Variants in MAST1 observed in about 807,000 individuals in gnomAD.
MAST1 encodes microtubule-associated serine/threonine-protein kinase 1.
MAST1 carries 40 observed loss-of-function variants against 124.6 expected under a neutral mutation model. The ratio of observed to expected loss-of-function variants is 0.32; its 90% CI spans 0.25 to 0.42. The LOEUF is 0.42. MAST1 is among the 10% of genes least tolerant of loss of function. The pLI, the probability that MAST1 is intolerant of heterozygous loss-of-function variation, is 1.00. For synonymous variants in MAST1, 938 were observed against 939.4 expected (o/e 1.00, Z 0.03); for missense variants, 1,558 against 2,181.9 (o/e 0.71, Z 5.70).
Position 12,874,174 on chromosome 19 carries a change from C to G in MAST1, c.4017C>G (p.Ser1339Arg), listed in dbSNP as rs1298077269. The G allele has an allele frequency of 3.2e-6, 5 of 1,541,700 alleles. No individual in the cohort carries two copies. Among genetic ancestry groups the G allele is most frequent in the Non-Finnish European group, 4.4e-6 (5 of 1,146,720 alleles). ...TGGGCCGACAGGAGTCACCTTTGAGCCTGGGCGCGGACCCGTTGCTGCCCG... is the reference window on the plus strand; with the variant it reads ...TGGGCCGACAGGAGTCACCTTTGAGGCTGGGCGCGGACCCGTTGCTGCCCG... The part of the protein sequence containing the change: ...RRLGRQESPL[S>R]LGADPLLPEG... Residue 1339 changes from serine (S) to arginine (R), a missense_variant, in exon 26 of 26, where the codon AGC becomes AGG. Coordinates refer to ENST00000251472, the MANE Select transcript of MAST1 (RefSeq NM_014975.3). The surrounding 1 kb of genome is among the most constrained non-coding windows in gnomAD (Gnocchi z 6.6).
intron 10 of MAST1, 85 bp from the exon 11 acceptor site, chr19:12,858,277 C>G (rs1312431588): frequency 8.3e-7 from 1 of 1,201,204 alleles, no homozygotes; most frequent in Non-Finnish European, 1.2e-6. Flanking sequence ...TTCTGTGCCT[C>G]AGTTTCCCCA....
rs1324365271 is a variant in MAST1 at position 12,874,222 on chromosome 19, G to C, written c.4065G>C (p.Val1355=). 6.5e-7 allele frequency: 1 copy of C among 1,547,756 alleles called. No individual in the cohort carries two copies. The highest frequency in any genetic ancestry group is 1.4e-5 in the African/African-American group (1 of 73,190). ...LLPEGASRPP[V]SSKEKESPGG... ...CCGAGGGTGCCTCCAGGCCACCAGT[G>C]TCGAGCAAGGAGAAGGAATCCCCGG... is the stretch of plus-strand genomic sequence containing the variant. Residue 1355 remains valine (V), a synonymous_variant, in exon 26 of 26, where the codon GTG becomes GTC. Coordinates refer to ENST00000251472, the MANE Select transcript of MAST1 (RefSeq NM_014975.3). The surrounding 1 kb of genome is among the most constrained non-coding windows in gnomAD (Gnocchi z 6.6).
In MAST1 at chr19:12,870,824, C is replaced by A. The variant is rs928173546; in HGVS notation, c.3004C>A (p.His1002Asn). The A allele has an allele frequency of 1.2e-6, 2 of 1,601,942 alleles. No individual in the cohort carries two copies. The highest frequency in any genetic ancestry group is 1.7e-6 in the Non-Finnish European group (2 of 1,173,278). The part of the protein sequence containing the change: ...DVYSVHHIVW[H>N]VEEGGPAQEA... ...TCCCTATGGGGTGCTCTTTTCCCAG[C>A]ATGTGGAGGAAGGAGGCCCAGCCCA... is the stretch of plus-strand genomic sequence containing the variant. Residue 1002 changes from histidine (H) to asparagine (N), a missense_variant and splice_region_variant, in exon 23 of 26, where the codon CAT becomes AAT. This residue lies in a region of MAST1 where 291 missense variants were observed against 475.8 expected (regional missense o/e 0.61). Transcript: ENST00000251472.
At chr19:12,851,495 CT>C (rs1213354111) in intron 7 of MAST1, among the ~76,000 whole-genome samples, 1 of 150,790 alleles carries the variant, frequency 6.6e-6, no homozygotes, top group Non-Finnish European at 1.5e-5. Flanking sequence ...TTTGTCATTG[CT>C]TTTGTTTTGA....
rs1970151155 is a variant in MAST1, at chr19:12,866,204, G to T, written c.2029+102G>T. 7.9e-7 allele frequency: 1 copy of T among 1,259,352 alleles called. No individual in the cohort carries two copies. The highest frequency in any genetic ancestry group is 1.5e-5 in the African/African-American group (1 of 64,778). 78.0% of individuals were successfully genotyped at this position (1,259,352 alleles called of 1,614,324 possible). A position where few individuals can be genotyped will look rare whatever the true frequency, so the allele number is the denominator to read the frequency against. On this transcript the variant is annotated intron_variant, in intron 17 of 25. Coordinates refer to ENST00000251472, the MANE Select transcript of MAST1 (RefSeq NM_014975.3). This position sits in a 1 kb window ranked among gnomAD's most constrained non-coding sequence, Gnocchi z 5.2. ...GGGATAGGGCCTGGCTAAGTACCAA[G>T]ATGTGATGCCTAGGTGCGAAGGTGG...
intron 4 of MAST1, among the ~76,000 whole-genome samples, chr19:12,844,123 A>G (rs1969863700): frequency 6.6e-6 from 1 of 152,086 alleles, no homozygotes; most frequent in Non-Finnish European, 1.5e-5. Flanking sequence ...CCCTCAACAC[A>G]TTTCTGGGAG....
Position 12,865,654 on chromosome 19 carries a change from A to C in MAST1, c.1805-63A>C. ...TGCACTCCAGCTGGGTGACACAGTGAGATCCTGTGTCCAAACAACAACAAC... is the reference window on the plus strand; with the variant it reads ...TGCACTCCAGCTGGGTGACACAGTGCGATCCTGTGTCCAAACAACAACAAC... On this transcript the variant is annotated intron_variant, in intron 15 of 25. Transcript: ENST00000251472. This position sits in a 1 kb window ranked among gnomAD's most constrained non-coding sequence, Gnocchi z 7.1. 6.8e-7 allele frequency: 1 copy of C among 1,462,502 alleles called. No individual in the cohort carries two copies. The highest frequency in any genetic ancestry group is 9.4e-7 in the Non-Finnish European group (1 of 1,062,132). 90.6% of individuals were successfully genotyped at this position (1,462,502 alleles called of 1,614,324 possible). A position where few individuals can be genotyped will look rare whatever the true frequency, so the allele number is the denominator to read the frequency against.
intron 18 of MAST1, 84 bp from the exon 19 acceptor site, chr19:12,867,390 C>A: frequency 2.0e-6 from 3 of 1,508,544 alleles, no homozygotes; most frequent in Admixed American, 1.7e-5. Flanking sequence ...GTGCGTTTTG[C>A]GGGGGATCCA....
chr19:12,858,465 G>T, intron 11 of MAST1, 24 bp downstream of exon 11: 4 of 1,612,694 alleles, frequency 2.5e-6, no homozygotes, highest in Non-Finnish European at 3.4e-6. Context: ...GGCTCTGGCG[G>T]GGGGAGGGTG....
Position 12,874,206 on chromosome 19 carries a change from C to G in MAST1, c.4049C>G (p.Ala1350Gly), listed in dbSNP as rs1421794788. ...GCGGACCCGTTGCTGCCCGAGGGTG[C>G]CTCCAGGCCACCAGTGTCGAGCAAG... The part of the protein sequence containing the change: ...LGADPLLPEG[A>G]SRPPVSSKEK... Residue 1350 changes from alanine (A) to glycine (G), a missense_variant, in exon 26 of 26, where the codon GCC (alanine) becomes GGC (glycine). Ala to Gly is a moderately conservative substitution (Grantham distance 60). Around this residue, in one of 10 missense-constraint regions of MAST1, gnomAD observed 263 missense variants for 310.9 expected, o/e 0.85. Transcript: ENST00000251472. This position sits in a 1 kb window ranked among gnomAD's most constrained non-coding sequence, Gnocchi z 6.6. 6.5e-7 allele frequency: 1 copy of G among 1,544,778 alleles called. No individual in the cohort carries two copies. The highest frequency in any genetic ancestry group is 1.2e-5 in the South Asian group (1 of 85,156).
At chr19:12,857,766 G>T (rs915668689) in intron 10 of MAST1, among the ~76,000 whole-genome samples, 9 of 152,116 alleles carry the variant, frequency 5.9e-5, no homozygotes, top group Non-Finnish European at 2.9e-5. Flanking sequence ...AGTGGCTCAT[G>T]CCTGTAGTCC....
At position 12,858,557 on chromosome 19, in the gene MAST1, A is replaced by G. The variant is rs2145901259; in HGVS notation, c.1184A>G (p.Asp395Gly). The G allele has an allele frequency of 6.2e-7, 1 of 1,614,230 alleles. No homozygotes were observed. Among genetic ancestry groups the G allele is most frequent in the Non-Finnish European group, 8.5e-7 (1 of 1,180,048 alleles). The change falls in exon 12 of 26, where the codon GAC becomes GGC. Residue 395 changes from aspartate (D) to glycine (G), a missense_variant. Around this residue, in one of 10 missense-constraint regions of MAST1, gnomAD observed 136 missense variants for 160.9 expected, o/e 0.85. Coordinates refer to ENST00000251472, the MANE Select transcript of MAST1 (RefSeq NM_014975.3). ...YGAVYLVRHRDTRQRFAMKKI... is the reference protein window; with the variant it reads ...YGAVYLVRHRGTRQRFAMKKI... ...GCTGTCTACCTGGTGCGGCACCGCG[A>G]CACGCGGCAGCGCTTTGCCATGAAA...
intron 10 of MAST1, among the ~76,000 whole-genome samples, chr19:12,852,849 A>AAAAAT (rs561793669): frequency 0.017 from 2,575 of 151,636 alleles, 75 homozygotes; most frequent in African/African-American, 0.059. Context: ...AACTGTCTCA[A>AAAAAT]AAAATAAAAT....
intron 12 of MAST1, among the ~76,000 whole-genome samples, chr19:12,859,262 CAG>C (rs1419861568): frequency 6.6e-6 from 1 of 151,960 alleles, no homozygotes; most frequent in African/African-American, 2.4e-5. Flanking sequence ...CTATTTTTAG[CAG>C]AGACAGGATT....
In MAST1 at chr19:12,841,212, C is replaced by A; in HGVS notation, c.248+146C>A. ...GCCCCAAGGTCTCAGCGGGAAGGAG[C>A]GCCTAGCCTTCGGGGCGGGGCCTAT... is the stretch of plus-strand genomic sequence containing the variant. On this transcript the variant is annotated intron_variant, in intron 3 of 25. Coordinates refer to ENST00000251472, the MANE Select transcript of MAST1 (RefSeq NM_014975.3). The surrounding 1 kb of genome is among the most constrained non-coding windows in gnomAD (Gnocchi z 4.3). The A allele has an allele frequency of 6.8e-6, 4 of 585,074 alleles. No individual in the cohort carries two copies. Among genetic ancestry groups the A allele is most frequent in the South Asian group, 4.1e-5 (2 of 48,206 alleles). 36.2% of individuals were successfully genotyped at this position (585,074 alleles called of 1,614,324 possible).
At chr19:12,842,678 C>G (rs1969846226) in intron 3 of MAST1, among the ~76,000 whole-genome samples, 1 of 152,118 alleles carries the variant, frequency 6.6e-6, no homozygotes, top group African/African-American at 2.4e-5. Flanking sequence ...GATGTGTGTC[C>G]CTGTGTGTGT....
Position 12,847,784 on chromosome 19 carries a change from G to T in MAST1, c.565-64G>T. The T allele has an allele frequency of 6.3e-7, 1 of 1,580,518 alleles. No individual in the cohort carries two copies. Among genetic ancestry groups the T allele is most frequent in the Admixed American group, 1.7e-5 (1 of 57,288 alleles). ...CCCCCTGGCGGCCTCGGTGCGCAGC[G>T]CAGGCTCCTGGCGGCCGCAGCCTTC... On this transcript the variant is annotated intron_variant, in intron 6 of 25. Transcript: ENST00000251472. The surrounding 1 kb of genome is among the most constrained non-coding windows in gnomAD (Gnocchi z 5.5).
chr19:12,867,730 C>A lies in MAST1; in HGVS notation c.2319C>A (p.Ile773=). ...CCATAACCACGCCCCCTCCATGCAG[C>A]AAGCGATTCTCCGCGTCCGAGGCCA... ...EKTWRGGSPE[I]KRFSASEASF... Residue 773 remains isoleucine (I), a splice_region_variant and synonymous_variant, in exon 20 of 26, where the codon ATC becomes ATA. Coordinates refer to ENST00000251472, the MANE Select transcript of MAST1 (RefSeq NM_014975.3). 2 of 1,531,280 alleles carry A rather than the reference C, an allele frequency of 1.3e-6. No homozygotes were observed. Among genetic ancestry groups the A allele is most frequent in the South Asian group, 2.5e-5 (2 of 81,300 alleles). 94.9% of individuals were successfully genotyped at this position (1,531,280 alleles called of 1,614,324 possible).
chr19:12,840,324 A>G, intron 1 of MAST1, 122 bp from the exon 2 acceptor site: 1 of 671,118 alleles, frequency 1.5e-6, no homozygotes, highest in Admixed American at 2.3e-5. Context: ...CCTCCCAGGG[A>G]GCCTCCAAAC....
Sources: gnomAD v4.1 joint callset for allele counts (sites outside exome capture counted in the v4.1 genomes callset) on GRCh38, gnomAD v4.1.1 for gene constraint, gnomAD v4.1.1 regional missense constraint, Gnocchi (gnomAD v3.1) non-coding constraint, MANE v1.5 for transcripts, NCBI Gene and HGNC (gene_info 2026-07-23, HGNC 2026-07-21) for gene names.